Variants in CTNNA3 observed in about 807,000 individuals in gnomAD.
CTNNA3 encodes catenin alpha 3.
A neutral mutation model predicts 95.7 loss-of-function variants in CTNNA3; 76 were observed. That is an observed-to-expected ratio of 0.79 (90% CI 0.66 to 0.96). The LOEUF (loss-of-function observed/expected upper bound fraction) is 0.96. Ranked by LOEUF, CTNNA3 falls within the 40% of genes least tolerant of loss-of-function variation. The pLI is 0.00. For missense variants in CTNNA3, 1,191 were observed against 1,089.8 expected, an observed-to-expected ratio of 1.09 and a Z score of -1.31; for synonymous variants, 431 against 374.4, an observed-to-expected ratio of 1.15 and a Z score of -1.74.
chr10:66,001,099 C>T (rs997396502), intron 15 of CTNNA3, among the ~76,000 whole-genome samples: 6 of 152,074 alleles, frequency 3.9e-5, no homozygotes, highest in African/African-American at 1.4e-4. Context: ...TCAAGGAATA[C>T]AGCCTAAATC....
At chr10:66,122,675 G>T (rs2082634040) in intron 13 of CTNNA3, among the ~76,000 whole-genome samples, 1 of 152,186 alleles carries the variant, frequency 6.6e-6, no homozygotes, top group South Asian at 2.1e-4. Flanking sequence ...CAAAGACTGG[G>T]CAATTTACAA....
chr10:66,191,719 G>T (rs1175096506), intron 13 of CTNNA3, among the ~76,000 whole-genome samples: 1 of 151,892 alleles, frequency 6.6e-6, no homozygotes, highest in African/African-American at 2.4e-5. Context: ...TGGATCTATG[G>T]CTCATTTTCT....
At chr10:66,599,691 G>A (rs1778999047) in intron 10 of CTNNA3, among the ~76,000 whole-genome samples, 1 of 151,726 alleles carries the variant, frequency 6.6e-6, no homozygotes. Context: ...GAGTTCCAGT[G>A]TTTGCTTTAA....
At chr10:67,207,985 TTA>T (rs1863975584) in intron 6 of CTNNA3, among the ~76,000 whole-genome samples, 1 of 152,118 alleles carries the variant, frequency 6.6e-6, no homozygotes, top group Non-Finnish European at 1.5e-5. Context: ...ATCAACAGAA[TTA>T]GAGTCCCCAA....
intron 5 of CTNNA3, among the ~76,000 whole-genome samples, chr10:67,387,003 A>C (rs778290927): frequency 2.0e-4 from 31 of 152,190 alleles, no homozygotes; most frequent in Non-Finnish European, 4.3e-4. Context: ...TCCTTCTTTA[A>C]ATCATCTGAA....
chr10:67,561,908 G>T (rs190517270), intron 3 of CTNNA3, among the ~76,000 whole-genome samples: 1,942 of 152,090 alleles, frequency 0.013, 26 homozygotes, highest in Middle Eastern at 0.034. Context: ...ATAAATTCCT[G>T]GACACATACA....
chr10:65,919,036 T>C lies in CTNNA3; in HGVS notation c.*1294A>G, dbSNP rs1435937409. 6.6e-6 allele frequency: 1 copy of C among 152,146 alleles called. No individual in the cohort carries two copies. Among genetic ancestry groups the C allele is most frequent in the Non-Finnish European group, 1.5e-5 (1 of 68,018 alleles). The allele number at this position is 152,146 out of a possible 1,614,324, so 9.4% of individuals were successfully genotyped here. A position where few individuals can be genotyped will look rare whatever the true frequency, so the allele number is the denominator to read the frequency against. Reference sequence around the variant, plus strand: ...TTATGATAATGTAGAATAGAAAATGTTTTTTAAAGTCTGTGAATCAGAACT... The same window carrying C: ...TTATGATAATGTAGAATAGAAAATGCTTTTTAAAGTCTGTGAATCAGAACT... On this transcript the variant is annotated 3_prime_UTR_variant, in exon 18 of 18. Coordinates refer to ENST00000433211, the MANE Select transcript of CTNNA3 (RefSeq NM_013266.4).
intron 13 of CTNNA3, among the ~76,000 whole-genome samples, chr10:66,246,085 G>A (rs1300113455): frequency 6.6e-6 from 1 of 152,166 alleles, no homozygotes; most frequent in South Asian, 2.1e-4. Context: ...CACCAGGGAT[G>A]TACCCCCTTC....
At chr10:67,204,182 T>C (rs1021212011) in intron 6 of CTNNA3, among the ~76,000 whole-genome samples, 2 of 152,158 alleles carry the variant, frequency 1.3e-5, no homozygotes, top group Non-Finnish European at 2.9e-5. Flanking sequence ...CTGATATGGT[T>C]TGGATACGCA....
intron 17 of CTNNA3, among the ~76,000 whole-genome samples, chr10:65,965,817 C>T (rs2077953201): frequency 6.6e-6 from 1 of 151,920 alleles, no homozygotes; most frequent in Non-Finnish European, 1.5e-5. Flanking sequence ...ATGTTACAGA[C>T]ATATAAATAT....
intron 7 of CTNNA3, among the ~76,000 whole-genome samples, chr10:67,132,643 A>G (rs573465642): frequency 6.6e-6 from 1 of 152,208 alleles, no homozygotes; most frequent in African/African-American, 2.4e-5. Flanking sequence ...AAGGACACAT[A>G]AAATATATTA....
chr10:66,026,387 C>T (rs999873179), intron 15 of CTNNA3, among the ~76,000 whole-genome samples: 10 of 152,176 alleles, frequency 6.6e-5, no homozygotes, highest in African/African-American at 2.4e-4. Context: ...AAGTTTTTAT[C>T]CCTTTCTTCC....
At chr10:66,466,368 A>ACACG (rs1001272214) in intron 11 of CTNNA3, among the ~76,000 whole-genome samples, 1 of 151,222 alleles carries the variant, frequency 6.6e-6, no homozygotes, top group Non-Finnish European at 1.5e-5. Context: ...ACACACACAC[A>ACACG]CACACAATCT....
intron 7 of CTNNA3, among the ~76,000 whole-genome samples, chr10:67,146,791 G>GTGT (rs1195256237): frequency 6.6e-6 from 1 of 152,170 alleles, no homozygotes; most frequent in Non-Finnish European, 1.5e-5. Context: ...TGGCATAACA[G>GTGT]TGTTTTAGTC....
At chr10:67,397,141 G>C (rs1407742105) in intron 5 of CTNNA3, among the ~76,000 whole-genome samples, 1 of 152,152 alleles carries the variant, frequency 6.6e-6, no homozygotes, top group African/African-American at 2.4e-5. Context: ...ACAAGCAGAG[G>C]TTGGAACAGT....
At chr10:66,321,679 G>T (rs923797755) in intron 12 of CTNNA3, among the ~76,000 whole-genome samples, 79 of 152,010 alleles carry the variant, frequency 5.2e-4, no homozygotes, top group Non-Finnish European at 2.2e-4. Flanking sequence ...CATAAACAAA[G>T]ATATAACATA....
chr10:67,659,944 G>A (rs1179386272), intron 1 of CTNNA3, among the ~76,000 whole-genome samples: 1 of 152,172 alleles, frequency 6.6e-6, no homozygotes, highest in Non-Finnish European at 1.5e-5. Context: ...TCTCTGTTCA[G>A]CTAGAAATAA....
chr10:67,303,458 T>C (rs1276390380), intron 5 of CTNNA3, among the ~76,000 whole-genome samples: 1 of 152,234 alleles, frequency 6.6e-6, no homozygotes, highest in African/African-American at 2.4e-5. Context: ...GAAAGATGTA[T>C]CTGAAGGAAC....
At chr10:66,948,487 C>T (rs1331291963) in intron 7 of CTNNA3, among the ~76,000 whole-genome samples, 2 of 152,166 alleles carry the variant, frequency 1.3e-5, no homozygotes, top group African/African-American at 4.8e-5. Context: ...CACTTTGTGA[C>T]AACTGACCGA....
Sources: allele counts gnomAD v4.1 joint callset (sites outside exome capture counted in the v4.1 genomes callset), GRCh38; gene constraint gnomAD v4.1.1; transcripts MANE v1.5; gene names NCBI Gene and HGNC (gene_info 2026-07-23, HGNC 2026-07-21).